Variants in TUSC3 observed in about 807,000 individuals in gnomAD.
The protein encoded by TUSC3 is tumor suppressor candidate 3.
A neutral mutation model predicts 44.8 loss-of-function variants in TUSC3; 45 were observed. That is an observed-to-expected ratio of 1.00 (90% CI 0.79 to 1.29). The LOEUF is 1.29. TUSC3 is among the 50% of genes most tolerant of loss of function. The pLI is 0.00. For missense variants in TUSC3, 519 were observed against 437.9 expected, an observed-to-expected ratio of 1.19 and a Z score of -1.65; for synonymous variants, 212 against 152.9, an observed-to-expected ratio of 1.39 and a Z score of -2.85.
the TUSC3 span, among the ~76,000 whole-genome samples, chr8:15,779,523 G>A: frequency 3.9e-5 from 6 of 152,138 alleles, no homozygotes; most frequent in Non-Finnish European, 8.8e-5. Flanking sequence ...TCGTCACACT[G>A]CTAATTAAGA....
At chr8:15,619,991 G>C (rs1161344776) in intron 1 of TUSC3, among the ~76,000 whole-genome samples, 1 of 152,202 alleles carries the variant, frequency 6.6e-6, no homozygotes, top group Non-Finnish European at 1.5e-5. Context: ...GAACCCTGGA[G>C]GTGGAGGTTG....
chr8:15,672,953 G>A (rs1221961320), intron 5 of TUSC3, among the ~76,000 whole-genome samples: 4 of 152,056 alleles, frequency 2.6e-5, no homozygotes, highest in Admixed American at 2.6e-4. Context: ...AGGATAGCAG[G>A]AAGTACAGGT....
the TUSC3 span, among the ~76,000 whole-genome samples, chr8:15,772,054 A>T: frequency 2.0e-5 from 3 of 152,066 alleles, no homozygotes; most frequent in Non-Finnish European, 4.4e-5. Context: ...GCGCCACTGC[A>T]CTCTAGCCTG....
At chr8:15,577,179 T>C (rs1410513487) in intron 1 of TUSC3, among the ~76,000 whole-genome samples, 2 of 150,324 alleles carry the variant, frequency 1.3e-5, no homozygotes, top group Non-Finnish European at 3.0e-5. Context: ...TTCTTGTAAA[T>C]TTGTTTGAGT....
intron 7 of TUSC3, among the ~76,000 whole-genome samples, chr8:15,737,748 A>G (rs544237286): frequency 1.3e-5 from 2 of 152,160 alleles, no homozygotes; most frequent in African/African-American, 4.8e-5. Context: ...TCAGACGTAG[A>G]ATCTTTTCAG....
chr8:15,686,282 C>T (rs1042981817), intron 6 of TUSC3, among the ~76,000 whole-genome samples: 63 of 152,262 alleles, frequency 4.1e-4, no homozygotes, highest in Non-Finnish European at 1.5e-4. Context: ...TAGGCTGTAA[C>T]TCCCACCGTG....
intron 1 of TUSC3, among the ~76,000 whole-genome samples, chr8:15,609,975 C>T (rs947050959): frequency 1.2e-4 from 18 of 151,846 alleles, no homozygotes; most frequent in African/African-American, 3.9e-4. Flanking sequence ...TCATTTTAGT[C>T]TCTGGTATTT....
chr8:15,710,084 C>T (rs1299636158), intron 6 of TUSC3, among the ~76,000 whole-genome samples: 2 of 151,656 alleles, frequency 1.3e-5, no homozygotes, highest in African/African-American at 2.4e-5. Flanking sequence ...TACCTTAGTG[C>T]GCTCCCCTCC....
chr8:15,436,218 G>C (rs28434685), intron 1 of TUSC3, among the ~76,000 whole-genome samples: 24,693 of 152,140 alleles, frequency 0.16, 2,080 homozygotes, highest in Middle Eastern at 0.22. Flanking sequence ...GCCTAAGAAT[G>C]TAGCCATAGA....
chr8:15,821,486 C>T, the TUSC3 span, among the ~76,000 whole-genome samples: 71,368 of 150,854 alleles, frequency 0.47, 18,864 homozygotes, highest in Non-Finnish European at 0.61. Context: ...TTTCCAATCT[C>T]AGCCTTATAC....
At chr8:15,598,599 C>T (rs939911669) in intron 1 of TUSC3, among the ~76,000 whole-genome samples, 8 of 151,924 alleles carry the variant, frequency 5.3e-5, no homozygotes, top group Non-Finnish European at 5.9e-5. Context: ...CATACTTCCT[C>T]CTTCTCCAGT....
chr8:15,758,206 A>T, intron 10 of TUSC3: 1 of 1,019,542 alleles, frequency 9.8e-7, no homozygotes, highest in Non-Finnish European at 1.2e-6. Context: ...AATGTAGCCA[A>T]ATCTTTTTTC....
the TUSC3 span, among the ~76,000 whole-genome samples, chr8:15,838,569 C>A: frequency 6.6e-6 from 1 of 152,078 alleles, no homozygotes; most frequent in African/African-American, 2.4e-5. Context: ...TTTAAAAAAA[C>A]TCAGGAGCTA....
the TUSC3 span, among the ~76,000 whole-genome samples, chr8:15,851,075 C>T: frequency 3.9e-4 from 60 of 152,218 alleles, no homozygotes; most frequent in African/African-American, 1.4e-3. Context: ...CAATGGACGA[C>T]GCGACGCTTT....
intron 2 of TUSC3, among the ~76,000 whole-genome samples, chr8:15,500,982 CTCTT>C (rs1333572381): frequency 1.3e-5 from 2 of 152,068 alleles, no homozygotes; most frequent in African/African-American, 4.8e-5. Context: ...CAGAAAGTAA[CTCTT>C]TCTGTATAGC....
chr8:15,579,105 G>C (rs1229517640), intron 1 of TUSC3, among the ~76,000 whole-genome samples: 2 of 152,012 alleles, frequency 1.3e-5, no homozygotes, highest in African/African-American at 4.8e-5. Flanking sequence ...TATTTGCGTA[G>C]AGGTGTTTGT....
chr8:15,721,001 A>C (rs1810281439), intron 6 of TUSC3, among the ~76,000 whole-genome samples: 1 of 152,090 alleles, frequency 6.6e-6, no homozygotes, highest in African/African-American at 2.4e-5. Flanking sequence ...GGACATTCGT[A>C]TTCATAGGTA....
At chr8:15,629,558 T>G (rs2129167299) in intron 2 of TUSC3, among the ~76,000 whole-genome samples, 1 of 151,084 alleles carries the variant, frequency 6.6e-6, no homozygotes, top group Non-Finnish European at 1.5e-5. Flanking sequence ...ATCTTGTTTT[T>G]TTTTTTTTTT....
chr8:15,595,258 C>G (rs1563124466), intron 1 of TUSC3, among the ~76,000 whole-genome samples: 1 of 152,156 alleles, frequency 6.6e-6, no homozygotes, highest in Non-Finnish European at 1.5e-5. Context: ...AGGATTTGAT[C>G]AGCACTCAGC....
Sources: allele counts gnomAD v4.1 joint callset (sites outside exome capture counted in the v4.1 genomes callset), GRCh38; gene constraint gnomAD v4.1.1; transcripts MANE v1.5; gene names NCBI Gene and HGNC (gene_info 2026-07-23, HGNC 2026-07-21).